Variants in PRR16 observed in about 807,000 individuals in gnomAD.
PRR16 encodes the protein proline rich 16, also known as protein Largen.
PRR16 carries 6 observed loss-of-function variants against 18.2 expected under a neutral mutation model. The observed-to-expected ratio is 0.33, with a 90% CI of 0.18 to 0.65. The LOEUF (loss-of-function observed/expected upper bound fraction) is 0.65, where lower values mean the gene tolerates loss of function less well. Among genes scored for constraint, PRR16 ranks in the 30% least tolerant of loss-of-function variants. The pLI, the probability that PRR16 is intolerant of heterozygous loss-of-function variation, is 0.74. For synonymous variants in PRR16, 151 were observed against 147.8 expected, an observed-to-expected ratio of 1.02 and a Z score of -0.16; for missense variants, 412 against 376.6, an observed-to-expected ratio of 1.09 and a Z score of -0.78.
chr5:120,507,166 A>G, intron 1 of PRR16, among the ~76,000 whole-genome samples: 1 of 152,132 alleles, frequency 6.6e-6, no homozygotes. Context: ...TAGAAACATA[A>G]GGGCACCATC....
the PRR16 span, among the ~76,000 whole-genome samples, chr5:120,696,238 T>C: frequency 6.6e-6 from 1 of 151,928 alleles, no homozygotes; most frequent in African/African-American, 2.4e-5. Context: ...TGAGGCTCCA[T>C]CTCAAAAAAC....
chr5:120,752,381 C>G, the PRR16 span, among the ~76,000 whole-genome samples: 1 of 151,962 alleles, frequency 6.6e-6, no homozygotes, highest in South Asian at 2.1e-4. Context: ...TACACAATAA[C>G]AGAGAAACCT....
rs34053155 is a variant in PRR16 at position 120,556,233 on chromosome 5, G to GTTTTTT, written c.159+91602_159+91607dup. Among the ~76,000 whole-genome samples, 193 of 121,720 alleles carry GTTTTTT rather than the reference G, an allele frequency of 1.6e-3. 3 individuals are homozygous for GTTTTTT. The highest frequency in any genetic ancestry group is 5.6e-3 in the African/African-American group (179 of 31,816). 79.9% of individuals were successfully genotyped at this position (121,720 alleles called of 152,430 possible). On this transcript the variant is annotated intron_variant, in intron 1 of 1. Transcript: ENST00000407149. ...CATTTCTACCAGGGTCAATTTCATT[G>GTTTTTT]TTTTTTTTTTTTTTTTTTTGTACCA...
At chr5:120,668,880 C>A (rs961750247) in intron 1 of PRR16, among the ~76,000 whole-genome samples, 1 of 152,098 alleles carries the variant, frequency 6.6e-6, no homozygotes, top group South Asian at 2.1e-4. Context: ...CTCTGGCTGC[C>A]CTTAACATTT....
intron 1 of PRR16, among the ~76,000 whole-genome samples, chr5:120,519,020 G>A (rs968327319): frequency 1.3e-5 from 2 of 152,010 alleles, no homozygotes; most frequent in African/African-American, 4.8e-5. Context: ...AATCTTAATA[G>A]TTTGGCGATA....
intron 1 of PRR16, among the ~76,000 whole-genome samples, chr5:120,615,099 T>G (rs568805222): frequency 6.6e-6 from 1 of 151,958 alleles, no homozygotes; most frequent in Non-Finnish European, 1.5e-5. Flanking sequence ...CTTTTAAAAG[T>G]GTGAAATTCT....
chr5:120,596,468 C>T (rs983583092), intron 1 of PRR16, among the ~76,000 whole-genome samples: 2 of 151,662 alleles, frequency 1.3e-5, no homozygotes, highest in Admixed American at 1.3e-4. Flanking sequence ...TAATTACTTT[C>T]GTTTTTCTTC....
chr5:120,617,351 G>A (rs1041880483), intron 1 of PRR16, among the ~76,000 whole-genome samples: 1 of 152,112 alleles, frequency 6.6e-6, no homozygotes, highest in Non-Finnish European at 1.5e-5. Context: ...ATCAAGTGAT[G>A]ACCATGAATA....
At chr5:120,468,450 T>C (rs897116429) in intron 1 of PRR16, among the ~76,000 whole-genome samples, 28 of 152,254 alleles carry the variant, frequency 1.8e-4, no homozygotes, top group African/African-American at 5.8e-4. Context: ...GAGTAATCCA[T>C]GTTGCATTTT....
the PRR16 span, among the ~76,000 whole-genome samples, chr5:120,778,381 C>T: frequency 3.3e-5 from 5 of 152,060 alleles, no homozygotes; most frequent in Admixed American, 1.3e-4. Context: ...AGACATTTTT[C>T]CTATCCTTAA....
At chr5:120,481,386 C>T (rs1006037574) in intron 1 of PRR16, 7 of 302,246 alleles carry the variant, frequency 2.3e-5, no homozygotes, top group Middle Eastern at 2.3e-3. Context: ...CTGCCTTAGC[C>T]TCCCAAAGTG....
rs149836410 is a variant in PRR16 at position 120,686,626 on chromosome 5, A to G, written c.832A>G (p.Ile278Val). 8.7e-4 allele frequency: 1,400 copies of G among 1,608,478 alleles called. 9 individuals are homozygous for G. The African/African-American group carries it at 0.015, about 17-fold the overall frequency. The change falls in exon 2 of 2, where the codon ATC becomes GTC. Residue 278 changes from isoleucine (I) to valine (V), a missense_variant. By Grantham distance (29) the Ile-to-Val change is conservative. Coordinates refer to ENST00000407149, the MANE Select transcript of PRR16 (RefSeq NM_001300783.2). ...AAGCCACAGTAACAGCTTCCCCCCT[A>G]TCAGACCTGCAACTGTGCCTCCTCC... is the stretch of plus-strand genomic sequence containing the variant. ...GISHSNSFPP[I>V]RPATVPPPTA...
At chr5:120,729,355 C>T in the PRR16 span, among the ~76,000 whole-genome samples, 51 of 152,236 alleles carry the variant, frequency 3.4e-4, no homozygotes, top group Middle Eastern at 0.01. Flanking sequence ...GTCTTCTTAC[C>T]TACTAAAGTG....
At chr5:120,650,011 A>C (rs1227454911) in intron 1 of PRR16, among the ~76,000 whole-genome samples, 3 of 152,034 alleles carry the variant, frequency 2.0e-5, no homozygotes, top group Non-Finnish European at 2.9e-5. Flanking sequence ...CGAGGTCAAG[A>C]GATTGAGACC....
chr5:120,481,435 T>C (rs1451144734), intron 1 of PRR16: 1 of 234,380 alleles, frequency 4.3e-6, no homozygotes, highest in Non-Finnish European at 8.7e-6. Flanking sequence ...CTGGCCCGTT[T>C]TAAAATATAT....
chr5:120,488,677 T>C, intron 1 of PRR16, among the ~76,000 whole-genome samples: 1 of 152,204 alleles, frequency 6.6e-6, no homozygotes, highest in Non-Finnish European at 1.5e-5. Flanking sequence ...TAGTTATTTC[T>C]TGCCTTCTGC....
intron 1 of PRR16, among the ~76,000 whole-genome samples, chr5:120,661,107 C>G (rs919751776): frequency 3.3e-5 from 5 of 152,094 alleles, no homozygotes; most frequent in African/African-American, 1.2e-4. Context: ...TTGCTACAGT[C>G]TCTTTATCAT....
intron 1 of PRR16, chr5:120,658,345 T>C (rs373565307): frequency 1.5e-5 from 1 of 65,184 alleles, no homozygotes; most frequent in African/African-American, 6.9e-5. Flanking sequence ...TTCCCATGAG[T>C]GGGGGAAAAA....
chr5:120,666,267 A>G (rs1425412093), intron 1 of PRR16, among the ~76,000 whole-genome samples: 4 of 152,186 alleles, frequency 2.6e-5, no homozygotes, highest in African/African-American at 7.2e-5. Context: ...TTTGCCTGTT[A>G]TTGGTGTATA....
Sources: allele counts gnomAD v4.1 joint callset (sites outside exome capture counted in the v4.1 genomes callset), GRCh38; gene constraint gnomAD v4.1.1; transcripts MANE v1.5; gene names NCBI Gene and HGNC (gene_info 2026-07-23, HGNC 2026-07-21).